Variants in PTPRE observed in about 807,000 individuals in gnomAD.
PTPRE encodes protein tyrosine phosphatase receptor type E.
PTPRE carries 51 observed loss-of-function variants against 102.0 expected under a neutral mutation model. That is an observed-to-expected ratio of 0.50 (90% CI 0.40 to 0.63). The LOEUF (loss-of-function observed/expected upper bound fraction) is 0.63. PTPRE is among the 30% of genes least tolerant of loss of function. The probability of loss-of-function intolerance (pLI) is 0.00; values close to 1 mark genes in which losing one functional copy is unlikely to be tolerated. For synonymous variants in PTPRE, 345 were observed against 348.2 expected, an observed-to-expected ratio of 0.99 and a Z score of 0.10; for missense variants, 752 against 915.1, an observed-to-expected ratio of 0.82 and a Z score of 2.30.
chr10:127,918,784 C>T (rs182546421), intron 1 of PTPRE, among the ~76,000 whole-genome samples: 1 of 152,156 alleles, frequency 6.6e-6, no homozygotes, highest in Non-Finnish European at 1.5e-5. Context: ...CAGGGCCTGC[C>T]CGCGAGGAAG....
At chr10:128,053,317 A>G (rs1848692945) in intron 6 of PTPRE, among the ~76,000 whole-genome samples, 1 of 152,208 alleles carries the variant, frequency 6.6e-6, no homozygotes, top group African/African-American at 2.4e-5. Context: ...CAAACCACAA[A>G]CAATTTGGAC....
intron 11 of PTPRE, among the ~76,000 whole-genome samples, chr10:128,067,247 C>T (rs10829323): frequency 0.46 from 68,546 of 149,544 alleles, 16,258 homozygotes; most frequent in Middle Eastern, 0.55. Flanking sequence ...CACGCACACA[C>T]ATTCATGCAC....
chr10:128,044,007 C>T (rs550606756), intron 3 of PTPRE, among the ~76,000 whole-genome samples: 12 of 152,146 alleles, frequency 7.9e-5, no homozygotes, highest in African/African-American at 2.4e-4. Context: ...CTTAAAATAA[C>T]GATACTTTTT....
chr10:128,040,905 G>A lies in PTPRE; in HGVS notation c.24G>A (p.Leu8=). The A allele has an allele frequency of 1.2e-6, 2 of 1,614,064 alleles. No individual in the cohort carries two copies. Among genetic ancestry groups the A allele is most frequent in the Non-Finnish European group, 1.7e-6 (2 of 1,180,002 alleles). The stretch of plus-strand genomic sequence containing the variant: ...CCATGGAGCCCTTGTGTCCACTCCT[G>A]CTGGTGGGTTTTAGCTTGCCGCTCG... MEPLCPL[L]LVGFSLPLAR... Residue 8 remains leucine (L), a synonymous_variant, in exon 3 of 21, where the codon CTG becomes CTA. Coordinates refer to ENST00000254667, the MANE Select transcript of PTPRE (RefSeq NM_006504.6).
At position 128,054,560 on chromosome 10, in the gene PTPRE, C is replaced by T. The variant is rs563496039; in HGVS notation, c.421-1563C>T. 6.0e-4 allele frequency among the ~76,000 whole-genome samples: 91 copies of T among 152,040 alleles called. 1 individual carries two copies. The highest frequency in any genetic ancestry group is 2.0e-3 in the African/African-American group (83 of 41,556). On this transcript the variant is annotated intron_variant, in intron 6 of 20. Transcript: ENST00000254667. ...TTGCCACAGTGCCGCCAGACAGGTC[C>T]CTCCACATAGGCCACCCTCTTGCCT... is the stretch of plus-strand genomic sequence containing the variant.
intron 9 of PTPRE, among the ~76,000 whole-genome samples, chr10:128,062,555 C>G (rs1280153355): frequency 6.6e-6 from 1 of 152,216 alleles, no homozygotes; most frequent in Non-Finnish European, 1.5e-5. Flanking sequence ...TAGCACTTAG[C>G]TCGGGACTGC....
intron 1 of PTPRE, among the ~76,000 whole-genome samples, chr10:127,926,228 A>G (rs1377654272): frequency 6.6e-6 from 1 of 152,214 alleles, no homozygotes; most frequent in East Asian, 1.9e-4. Context: ...AGAATGAAAA[A>G]ACAATGAGTT....
intron 16 of PTPRE, among the ~76,000 whole-genome samples, chr10:128,072,911 T>C (rs1850907441): frequency 6.6e-6 from 1 of 152,062 alleles, no homozygotes. Context: ...CACAGTGGAG[T>C]TCGCAGAAGA....
At chr10:128,017,572 TG>T (rs2135664995) in intron 2 of PTPRE, among the ~76,000 whole-genome samples, 1 of 151,866 alleles carries the variant, frequency 6.6e-6, no homozygotes, top group Admixed American at 6.6e-5. Context: ...TGAAATGGAA[TG>T]GGACATTTGG....
intron 1 of PTPRE, among the ~76,000 whole-genome samples, chr10:127,976,426 G>A (rs1294075816): frequency 6.6e-6 from 1 of 152,150 alleles, no homozygotes; most frequent in Admixed American, 6.5e-5. Context: ...TGCCTCAACC[G>A]TGGAGTAATT....
chr10:127,930,077 A>AG (rs1157706190), intron 1 of PTPRE, among the ~76,000 whole-genome samples: 6 of 151,712 alleles, frequency 4.0e-5, no homozygotes, highest in Admixed American at 1.3e-4. Flanking sequence ...AAAAAAAAAA[A>AG]AAAGAAAGAA....
intron 1 of PTPRE, among the ~76,000 whole-genome samples, chr10:127,954,008 T>A (rs143401551): frequency 1.1e-3 from 160 of 152,342 alleles, no homozygotes; most frequent in Admixed American, 1.6e-3. Context: ...GTGGATAGAC[T>A]GCTCTGAGCT....
chr10:127,945,713 G>A (rs1400535048), intron 1 of PTPRE, among the ~76,000 whole-genome samples: 2 of 152,114 alleles, frequency 1.3e-5, no homozygotes, highest in African/African-American at 4.8e-5. Context: ...CGGGCCAACA[G>A]GTCATTTGGT....
chr10:127,982,195 A>T, intron 1 of PTPRE, 79 bp from the exon 2 acceptor site: 1 of 931,616 alleles, frequency 1.1e-6, no homozygotes, highest in Non-Finnish European at 1.5e-6. Context: ...CTAGTGCTGT[A>T]CAGAAGGAAA....
At chr10:127,994,683 C>G (rs1228859691) in intron 2 of PTPRE, among the ~76,000 whole-genome samples, 5 of 152,216 alleles carry the variant, frequency 3.3e-5, no homozygotes, top group Admixed American at 2.6e-4. Flanking sequence ...AGACTGGCTT[C>G]AGTGATTTCT....
At position 128,084,525 on chromosome 10, in the gene PTPRE, G is replaced by C. The variant is rs1264054874; in HGVS notation, c.*1619G>C. 6.6e-6 allele frequency: 1 copy of C among 152,342 alleles called. No homozygotes were observed. The highest frequency in any genetic ancestry group is 2.4e-5 in the African/African-American group (1 of 41,460). The allele number at this position is 152,342 out of a possible 1,614,324, so 9.4% of individuals were successfully genotyped here. A position where few individuals can be genotyped will look rare whatever the true frequency, so the allele number is the denominator to read the frequency against. On this transcript the variant is annotated 3_prime_UTR_variant, in exon 21 of 21. Coordinates refer to ENST00000254667, the MANE Select transcript of PTPRE (RefSeq NM_006504.6). ...ATCCAAGGGCAAGACTTGGTGCCCA[G>C]CTGGAAGGACGAAAGCACACTTTGT...
intron 1 of PTPRE, among the ~76,000 whole-genome samples, chr10:127,940,943 T>C (rs1848202296): frequency 6.6e-6 from 1 of 152,182 alleles, no homozygotes; most frequent in Non-Finnish European, 1.5e-5. Flanking sequence ...CTCAGGCAGG[T>C]AGTGTCCAGA....
At chr10:128,046,000 C>T (rs1298215080) in intron 3 of PTPRE, among the ~76,000 whole-genome samples, 3 of 152,206 alleles carry the variant, frequency 2.0e-5, no homozygotes, top group African/African-American at 4.8e-5. Flanking sequence ...AGTGCCCTCT[C>T]TCACGGCTGG....
chr10:127,996,699 A>AG (rs1328039259), intron 2 of PTPRE, among the ~76,000 whole-genome samples: 1 of 152,222 alleles, frequency 6.6e-6, no homozygotes. Flanking sequence ...GAGGAGGCTG[A>AG]GAGGTGCACC....
Sources: allele counts gnomAD v4.1 joint callset (sites outside exome capture counted in the v4.1 genomes callset), GRCh38; gene constraint gnomAD v4.1.1; transcripts MANE v1.5; gene names NCBI Gene and HGNC (gene_info 2026-07-23, HGNC 2026-07-21).